Variants in KCNJ3 observed in about 807,000 individuals in gnomAD.
KCNJ3 encodes potassium inwardly rectifying channel subfamily J member 3.
In KCNJ3, 4 loss-of-function variants were observed where a neutral mutation model predicts 39.2. That is an observed-to-expected ratio of 0.10 (90% CI 0.05 to 0.23). The LOEUF (loss-of-function observed/expected upper bound fraction) is 0.23, where lower values mean the gene tolerates loss of function less well. Among genes scored for constraint, KCNJ3 ranks in the 10% least tolerant of loss-of-function variants. KCNJ3 has a pLI of 1.00. For missense variants in KCNJ3, 276 were observed against 634.9 expected, an observed-to-expected ratio of 0.43 and a Z score of 6.08; for synonymous variants, 230 against 237.4, an observed-to-expected ratio of 0.97 and a Z score of 0.29.
At chr2:154,710,897 T>C (rs1449787829) in intron 2 of KCNJ3, among the ~76,000 whole-genome samples, 1 of 152,178 alleles carries the variant, frequency 6.6e-6, no homozygotes, top group Admixed American at 6.5e-5. Context: ...AATTTTAGCA[T>C]GTCTGTCACA....
chr2:154,848,309 G>A (rs1328253730), intron 2 of KCNJ3, among the ~76,000 whole-genome samples: 1 of 151,980 alleles, frequency 6.6e-6, no homozygotes, highest in Non-Finnish European at 1.5e-5. Context: ...TCTCCTGGAA[G>A]TATGAAAATA....
At position 154,698,799 on chromosome 2, in the gene KCNJ3, T is replaced by G. The variant is rs765048252; in HGVS notation, c.24T>G (p.Phe8Leu). 19 of 1,611,052 alleles carry G rather than the reference T, an allele frequency of 1.2e-5. No homozygotes were observed. The highest frequency in any genetic ancestry group is 1.3e-5 in the Non-Finnish European group (15 of 1,177,702). The change falls in exon 1 of 3, where the codon TTT becomes TTG. Residue 8 changes from phenylalanine to leucine, a missense_variant. Physicochemically the swap from Phe to Leu is conservative, Grantham distance 22 (BLOSUM62 0). Around this residue, in one of 4 missense-constraint regions of KCNJ3, gnomAD observed 27 missense variants for 48.5 expected, o/e 0.56. Coordinates refer to ENST00000295101, the MANE Select transcript of KCNJ3 (RefSeq NM_002239.4). The stretch of plus-strand genomic sequence containing the variant: ...TTATGTCTGCACTCCGAAGGAAATT[T>G]GGGGACGATTATCAGGTAGTGACCA... MSALRRK[F>L]GDDYQVVTTS... is the part of the protein sequence containing the mutation.
intron 2 of KCNJ3, among the ~76,000 whole-genome samples, chr2:154,776,917 T>C (rs575301513): frequency 1.3e-4 from 20 of 152,160 alleles, no homozygotes; most frequent in Non-Finnish European, 2.2e-4. Context: ...AGTGGAATTA[T>C]GTTCTAGTGT....
At chr2:154,723,196 C>T (rs1685293761) in intron 2 of KCNJ3, among the ~76,000 whole-genome samples, 1 of 152,114 alleles carries the variant, frequency 6.6e-6, no homozygotes, top group Non-Finnish European at 1.5e-5. Flanking sequence ...GAGATGAGAG[C>T]ATTGCTTGAG....
At chr2:154,822,952 T>C (rs1687209850) in intron 2 of KCNJ3, among the ~76,000 whole-genome samples, 1 of 151,558 alleles carries the variant, frequency 6.6e-6, no homozygotes, top group African/African-American at 2.4e-5. Flanking sequence ...ATAATTACTA[T>C]GTATTAATCA....
intron 2 of KCNJ3, among the ~76,000 whole-genome samples, chr2:154,832,191 G>A (rs980751387): frequency 1.3e-5 from 2 of 152,002 alleles, no homozygotes; most frequent in African/African-American, 4.8e-5. Context: ...AACATTATGG[G>A]TCAAATTTCA....
intron 2 of KCNJ3, among the ~76,000 whole-genome samples, chr2:154,841,574 G>A (rs1329977618): frequency 6.6e-6 from 1 of 152,102 alleles, no homozygotes; most frequent in Non-Finnish European, 1.5e-5. Context: ...GACTTTTTTT[G>A]GTTGGTAGCT....
intron 2 of KCNJ3, among the ~76,000 whole-genome samples, chr2:154,825,690 C>A (rs766670227): frequency 1.3e-5 from 2 of 151,858 alleles, no homozygotes; most frequent in Non-Finnish European, 2.9e-5. Context: ...GATCTTCCCA[C>A]CTCAGCATCC....
chr2:154,834,918 C>G (rs950592238), intron 2 of KCNJ3, among the ~76,000 whole-genome samples: 1 of 147,076 alleles, frequency 6.8e-6, no homozygotes, highest in Non-Finnish European at 1.5e-5. Flanking sequence ...TTTAAAATAC[C>G]CTTAATTATA....
At chr2:154,840,923 ATTTC>A (rs747046147) in intron 2 of KCNJ3, among the ~76,000 whole-genome samples, 1 of 152,014 alleles carries the variant, frequency 6.6e-6, no homozygotes, top group Non-Finnish European at 1.5e-5. Flanking sequence ...AATACCCTTT[ATTTC>A]TTTGTCTTTC....
chr2:154,827,259 T>C (rs553351343), intron 2 of KCNJ3, among the ~76,000 whole-genome samples: 2 of 152,310 alleles, frequency 1.3e-5, no homozygotes, highest in South Asian at 4.1e-4. Context: ...GCTCTAGGCA[T>C]AGACTTTTCT....
At chr2:154,807,743 C>T (rs1686937507) in intron 2 of KCNJ3, among the ~76,000 whole-genome samples, 1 of 152,162 alleles carries the variant, frequency 6.6e-6, no homozygotes, top group Non-Finnish European at 1.5e-5. Flanking sequence ...CCACCACCAC[C>T]TGGTGAAGAG....
At chr2:154,794,567 A>G (rs1239759698) in intron 2 of KCNJ3, among the ~76,000 whole-genome samples, 1 of 152,002 alleles carries the variant, frequency 6.6e-6, no homozygotes, top group East Asian at 1.9e-4. Context: ...AGGAATAAAT[A>G]TATCTAGAAG....
intron 2 of KCNJ3, among the ~76,000 whole-genome samples, chr2:154,717,433 A>G (rs1685200336): frequency 6.6e-6 from 1 of 152,178 alleles, no homozygotes; most frequent in Non-Finnish European, 1.5e-5. Flanking sequence ...GAGACAGCCC[A>G]GTTATTAAGC....
intron 2 of KCNJ3, among the ~76,000 whole-genome samples, chr2:154,749,270 A>G (rs1685798302): frequency 6.6e-6 from 1 of 152,064 alleles, no homozygotes; most frequent in Non-Finnish European, 1.5e-5. Context: ...CCCCCTCAAA[A>G]TTAATTAAAG....
At chr2:154,751,767 A>T (rs1685848988) in intron 2 of KCNJ3, among the ~76,000 whole-genome samples, 1 of 152,080 alleles carries the variant, frequency 6.6e-6, no homozygotes, top group African/African-American at 2.4e-5. Flanking sequence ...TCAAGGAGTC[A>T]GTAGGGCTGA....
intron 2 of KCNJ3, among the ~76,000 whole-genome samples, chr2:154,765,124 C>T (rs1273355119): frequency 6.6e-6 from 1 of 152,198 alleles, no homozygotes; most frequent in Non-Finnish European, 1.5e-5. Flanking sequence ...CCTCTACCCA[C>T]CATAGTGGCT....
At chr2:154,755,087 T>C (rs1162840284) in intron 2 of KCNJ3, among the ~76,000 whole-genome samples, 1 of 152,150 alleles carries the variant, frequency 6.6e-6, no homozygotes, top group Non-Finnish European at 1.5e-5. Context: ...GTGATACCTC[T>C]CTTTTCATTA....
At chr2:154,729,710 G>A (rs1410636715) in intron 2 of KCNJ3, among the ~76,000 whole-genome samples, 1 of 152,114 alleles carries the variant, frequency 6.6e-6, no homozygotes, top group African/African-American at 2.4e-5. Flanking sequence ...GGACTAAGAT[G>A]CTATATATAA....
Sources: gnomAD v4.1 joint callset for allele counts (sites outside exome capture counted in the v4.1 genomes callset) on GRCh38, gnomAD v4.1.1 for gene constraint, gnomAD v4.1.1 regional missense constraint, MANE v1.5 for transcripts, NCBI Gene and HGNC (gene_info 2026-07-23, HGNC 2026-07-21) for gene names.